The following DPH3 variants were observed in gnomAD, a reference collection of about 807,000 sequenced individuals.
DPH3 encodes the protein diphthamide biosynthesis protein 3.
DPH3 carries 8 observed loss-of-function variants against 10.2 expected under a neutral mutation model. That is an observed-to-expected ratio of 0.79 (90% confidence interval 0.46 to 1.42). DPH3 has a LOEUF of 1.42. Ranked by LOEUF, DPH3 falls within the 40% of genes most tolerant of loss-of-function variation. The pLI, the probability that DPH3 is intolerant of heterozygous loss-of-function variation, is 0.00. For missense variants in DPH3, 96 were observed against 98.9 expected, an observed-to-expected ratio of 0.97 and a Z score of 0.12; for synonymous variants, 35 against 35.6, an observed-to-expected ratio of 0.98 and a Z score of 0.06.
Position 16,262,842 on chromosome 3 carries a change from C to A in DPH3, c.183+1313G>T, listed in dbSNP as rs1434323996. On this transcript the variant is annotated intron_variant, in intron 2 of 2. Coordinates refer to ENST00000488423, the MANE Select transcript of DPH3 (RefSeq NM_206831.3). This position sits in a 1 kb window ranked among gnomAD's most constrained non-coding sequence, Gnocchi z 4.7. ...TTAAGGTCACAAATATTGAAATCATCCTTGTCTCACTCCTTCACACCCTAT... is the reference window on the plus strand; with the variant it reads ...TTAAGGTCACAAATATTGAAATCATACTTGTCTCACTCCTTCACACCCTAT... 6.6e-6 allele frequency among the ~76,000 whole-genome samples: 1 copy of A among 152,156 alleles called. No individual in the cohort carries two copies. The highest frequency in any genetic ancestry group is 1.5e-5 in the Non-Finnish European group (1 of 68,032).
At chr3:16,264,083 C>A in intron 2 of DPH3, 72 bp downstream of exon 2, 1 of 1,112,338 alleles carries the variant, frequency 9.0e-7, no homozygotes. Context: ...GCACTCATCA[C>A]TGACAAGCTG....
Position 16,263,414 on chromosome 3 carries a change from T to C in DPH3, c.183+741A>G, listed in dbSNP as rs2064319879. 6.6e-6 allele frequency among the ~76,000 whole-genome samples: 1 copy of C among 152,236 alleles called. No homozygotes were observed. Among genetic ancestry groups the C allele is most frequent in the African/African-American group, 2.4e-5 (1 of 41,452 alleles). On this transcript the variant is annotated intron_variant, in intron 2 of 2. Transcript: ENST00000488423. The surrounding 1 kb of genome is among the most constrained non-coding windows in gnomAD (Gnocchi z 4.0). ...CAACTTCCTCCCAGACCAGCACTCC[T>C]GATCTTCCTTACCGTTTGCTTTCTG...
Position 16,260,746 on chromosome 3 carries a change from G to A in DPH3, c.*18C>T. Reference sequence around the variant, plus strand: ...GGCTCATTCCAAATGTTCAGGATTTGGATTCCTGAAGGCTTCTTCAGCATT... The same window carrying A: ...GGCTCATTCCAAATGTTCAGGATTTAGATTCCTGAAGGCTTCTTCAGCATT... On this transcript the variant is annotated 3_prime_UTR_variant, in exon 3 of 3. Transcript: ENST00000488423. 1 of 1,607,332 alleles carries A rather than the reference G, an allele frequency of 6.2e-7. No homozygotes were observed. Among genetic ancestry groups the A allele is most frequent in the South Asian group, 1.1e-5 (1 of 90,540 alleles).
rs1488891289 is a variant in DPH3, at chr3:16,262,019, T to C, written c.184-1190A>G. Among the ~76,000 whole-genome samples, 1 of 152,190 alleles carries C rather than the reference T, an allele frequency of 6.6e-6. No homozygotes were observed. On this transcript the variant is annotated intron_variant, in intron 2 of 2. Transcript: ENST00000488423. The surrounding 1 kb of genome is among the most constrained non-coding windows in gnomAD (Gnocchi z 4.7). ...TTCTCTTTACCTAGTTCAAACTCCA[T>C]GGTCAGTTATAACCACTCTTCTCTC... is the stretch of plus-strand genomic sequence containing the variant.
rs183221341 is a variant in DPH3, at chr3:16,264,624, G to C, written c.108+145C>G. 3 of 776,716 alleles carry C rather than the reference G, an allele frequency of 3.9e-6. No homozygotes were observed. In the African/African-American group the frequency reaches 5.2e-5, roughly 14 times the overall value. 48.1% of individuals were successfully genotyped at this position (776,716 alleles called of 1,614,324 possible). On this transcript the variant is annotated intron_variant, in intron 1 of 2. Coordinates refer to ENST00000488423, the MANE Select transcript of DPH3 (RefSeq NM_206831.3). ...AGAGCTCAGGGCATTAGTTGGGGTG[G>C]GGGGACGCGGGAGGAGGAAGATTCA...
Position 16,260,709 on chromosome 3 carries a change from T to C in DPH3, c.*55A>G. 3 of 1,505,384 alleles carry C rather than the reference T, an allele frequency of 2.0e-6. No individual in the cohort carries two copies. The highest frequency in any genetic ancestry group is 2.8e-6 in the Non-Finnish European group (3 of 1,086,324). 93.3% of individuals were successfully genotyped at this position (1,505,384 alleles called of 1,614,324 possible). ...GTGAAGCCAGTAGCTTTGCATTCGA[T>C]ATTTCTATCTGGGCTCATTCCAAAT... On this transcript the variant is annotated 3_prime_UTR_variant, in exon 3 of 3. Transcript: ENST00000488423.
chr3:16,260,707 G>T lies in DPH3; in HGVS notation c.*57C>A. 6.7e-7 allele frequency: 1 copy of T among 1,489,502 alleles called. No individual in the cohort carries two copies. Among genetic ancestry groups the T allele is most frequent in the Non-Finnish European group, 9.3e-7 (1 of 1,073,098 alleles). 92.3% of individuals were successfully genotyped at this position (1,489,502 alleles called of 1,614,324 possible). A position where few individuals can be genotyped will look rare whatever the true frequency, so the allele number is the denominator to read the frequency against. On this transcript the variant is annotated 3_prime_UTR_variant, in exon 3 of 3. Coordinates refer to ENST00000488423, the MANE Select transcript of DPH3 (RefSeq NM_206831.3). The stretch of plus-strand genomic sequence containing the variant: ...CTGTGAAGCCAGTAGCTTTGCATTC[G>T]ATATTTCTATCTGGGCTCATTCCAA...
rs1285722508 is a variant in DPH3, at chr3:16,261,344, TC to T, written c.184-516del. On this transcript the variant is annotated intron_variant, in intron 2 of 2. Coordinates refer to ENST00000488423, the MANE Select transcript of DPH3 (RefSeq NM_206831.3). This position sits in a 1 kb window ranked among gnomAD's most constrained non-coding sequence, Gnocchi z 7.1. Reference sequence around the variant, plus strand: ...GGCTTATGTCAGCTACCACCAAAAATCTCTGCTTCCAAGGTTATCCCTCACC... The same window carrying T: ...GGCTTATGTCAGCTACCACCAAAAATTCTGCTTCCAAGGTTATCCCTCACC... 6.6e-6 allele frequency among the ~76,000 whole-genome samples: 1 copy of T among 152,180 alleles called. No homozygotes were observed.
rs111554149 is a variant in DPH3 at position 16,264,338 on chromosome 3, C to A, written c.109-109G>T. 22 of 820,728 alleles carry A rather than the reference C, an allele frequency of 2.7e-5. 1 individual carries two copies. The South Asian group carries it at 3.4e-4, about 13-fold the overall frequency. 50.8% of individuals were successfully genotyped at this position (820,728 alleles called of 1,614,324 possible). ...AGTCTCTTGGTGGCTTGCCTTCCCC[C>A]CAAGGTGGGTGAGAACCCCAGGGCC... On this transcript the variant is annotated intron_variant, in intron 1 of 2. Coordinates refer to ENST00000488423, the MANE Select transcript of DPH3 (RefSeq NM_206831.3).
In DPH3 at chr3:16,260,336, T is replaced by C. The variant is rs2292615; in HGVS notation, c.*428A>G. 0.029 allele frequency: 4,738 copies of C among 161,518 alleles called. 107 individuals are homozygous for C. Among genetic ancestry groups the C allele is most frequent in the Middle Eastern group, 0.082 (26 of 316 alleles). 10.0% of individuals were successfully genotyped at this position (161,518 alleles called of 1,614,324 possible). ...TAAATTTAGAACAGCAAAGCTGATG[T>C]CATATTTCAAAGGAAGGGCTAATTT... On this transcript the variant is annotated 3_prime_UTR_variant, in exon 3 of 3. Coordinates refer to ENST00000488423, the MANE Select transcript of DPH3 (RefSeq NM_206831.3).
In DPH3 at chr3:16,260,700, T is replaced by G. The variant is rs1351987470; in HGVS notation, c.*64A>C. 16 of 1,439,822 alleles carry G rather than the reference T, an allele frequency of 1.1e-5. No homozygotes were observed. The highest frequency in any genetic ancestry group is 9.7e-7 in the Non-Finnish European group (1 of 1,030,978). 89.2% of individuals were successfully genotyped at this position (1,439,822 alleles called of 1,614,324 possible). A position where few individuals can be genotyped will look rare whatever the true frequency, so the allele number is the denominator to read the frequency against. ...GTTGTCTCTGTGAAGCCAGTAGCTTTGCATTCGATATTTCTATCTGGGCTC... is the reference window on the plus strand; with the variant it reads ...GTTGTCTCTGTGAAGCCAGTAGCTTGGCATTCGATATTTCTATCTGGGCTC... On this transcript the variant is annotated 3_prime_UTR_variant, in exon 3 of 3. Coordinates refer to ENST00000488423, the MANE Select transcript of DPH3 (RefSeq NM_206831.3).
rs371722277 is a variant in DPH3 at position 16,264,888 on chromosome 3, G to C, written c.-12C>G. On this transcript the variant is annotated 5_prime_UTR_variant, in exon 1 of 3. Transcript: ENST00000488423. Reference sequence around the variant, plus strand: ...TGAAACACTGCCATGGTCAGCGGGGGTGGCCGAAGGGGTAACGCCCCAGCA... The same window carrying C: ...TGAAACACTGCCATGGTCAGCGGGGCTGGCCGAAGGGGTAACGCCCCAGCA... The C allele has an allele frequency of 1.9e-5, 30 of 1,613,874 alleles. No individual in the cohort carries two copies. Among genetic ancestry groups the C allele is most frequent in the African/African-American group, 2.7e-5 (2 of 74,944 alleles).
Position 16,264,793 on chromosome 3 carries a change from A to G in DPH3, c.84T>C (p.Cys28=), listed in dbSNP as rs2064374274. The change falls in exon 1 of 3, where the codon TGT becomes TGC. Residue 28 remains cysteine (C), a synonymous_variant. Transcript: ENST00000488423. Reference sequence around the variant, plus strand: ...CCTTGGTGATGGAGAAGTTATCTCCACATGGGCAGGGATAGAAATACGTCT... The same window carrying G: ...CCTTGGTGATGGAGAAGTTATCTCCGCATGGGCAGGGATAGAAATACGTCT... The part of the protein sequence containing the change: ...DSETYFYPCP[C]GDNFSITKED... 6.2e-7 allele frequency: 1 copy of G among 1,614,116 alleles called. No individual in the cohort carries two copies. Among genetic ancestry groups the G allele is most frequent in the African/African-American group, 1.3e-5 (1 of 74,952 alleles).
In DPH3 at chr3:16,261,688, G is replaced by C. The variant is rs764528558; in HGVS notation, c.184-859C>G. ...ATTATCAGGCCTAAAATGTCAACAG[G>C]GCTGAGGTTGAGATGAAGTCATATT... On this transcript the variant is annotated intron_variant, in intron 2 of 2. Transcript: ENST00000488423. This position sits in a 1 kb window ranked among gnomAD's most constrained non-coding sequence, Gnocchi z 7.1. 6.6e-6 allele frequency among the ~76,000 whole-genome samples: 1 copy of C among 152,098 alleles called. No homozygotes were observed. The highest frequency in any genetic ancestry group is 1.5e-5 in the Non-Finnish European group (1 of 68,012).
chr3:16,264,649 A>T, intron 1 of DPH3, 120 bp downstream of exon 1: 1 of 968,638 alleles, frequency 1.0e-6, no homozygotes, highest in South Asian at 1.6e-5. Context: ...AGGAAGATTC[A>T]GCAACGGGAA....
Position 16,264,149 on chromosome 3 carries a change from CCTTA to C in DPH3, c.183+2_183+5del. ...CCTTCCCCCGTTTTAAAATTATATCCCTTACTTTGTCATAAATCACTTTTATAAT... is the reference window on the plus strand; with the variant it reads ...CCTTCCCCCGTTTTAAAATTATATCCCTTTGTCATAAATCACTTTTATAAT... On this transcript the variant is annotated splice_donor_variant and splice_donor_5th_base_variant and intron_variant, in intron 2 of 2. Transcript: ENST00000488423. LOFTEE classifies it high-confidence loss of function. 6.2e-7 allele frequency: 1 copy of C among 1,603,516 alleles called. No homozygotes were observed. Among genetic ancestry groups the C allele is most frequent in the African/African-American group, 1.3e-5 (1 of 74,748 alleles).
chr3:16,257,594 A>G lies in DPH3; in HGVS notation c.*3170T>C, dbSNP rs896576797. Among the ~76,000 whole-genome samples the G allele has an allele frequency of 7.9e-5, 12 of 152,260 alleles. No homozygotes were observed. Among genetic ancestry groups the G allele is most frequent in the Non-Finnish European group, 1.8e-4 (12 of 68,048 alleles). On this transcript the variant is annotated 3_prime_UTR_variant, in exon 3 of 3. Transcript: ENST00000488423. ...TCCAGATTTCACAAACCAGAATATA[A>G]TTATTAAGTAACTTCTCGGAGATCA...
rs766528312 is a variant in DPH3, at chr3:16,260,837, A to G, written c.184-8T>C. The stretch of plus-strand genomic sequence containing the variant: ...TCCACACACAAACTGATCCTAAGAC[A>G]GAGTGAGAAATGACATTAACCAATG... On this transcript the variant is annotated splice_region_variant and splice_polypyrimidine_tract_variant and intron_variant, in intron 2 of 2. Transcript: ENST00000488423. 16 of 1,611,266 alleles carry G rather than the reference A, an allele frequency of 9.9e-6. No individual in the cohort carries two copies. In the Admixed American group the frequency reaches 2.7e-4, roughly 27 times the overall value.
At position 16,263,302 on chromosome 3, in the gene DPH3, CA is replaced by C. The variant is rs1216028387; in HGVS notation, c.183+852del. Reference sequence around the variant, plus strand: ...CTCTTACCTCATACCCTCATATGTACATGGCTCACTCCCTCACCTCCTTCAA... The same window carrying C: ...CTCTTACCTCATACCCTCATATGTACTGGCTCACTCCCTCACCTCCTTCAA... On this transcript the variant is annotated intron_variant, in intron 2 of 2. Coordinates refer to ENST00000488423, the MANE Select transcript of DPH3 (RefSeq NM_206831.3). The surrounding 1 kb of genome is among the most constrained non-coding windows in gnomAD (Gnocchi z 4.0). 6.6e-6 allele frequency among the ~76,000 whole-genome samples: 1 copy of C among 152,170 alleles called. No homozygotes were observed. The highest frequency in any genetic ancestry group is 2.4e-5 in the African/African-American group (1 of 41,414).
Sources: allele counts gnomAD v4.1 joint callset (sites outside exome capture counted in the v4.1 genomes callset), GRCh38; gene constraint gnomAD v4.1.1; non-coding constraint Gnocchi (gnomAD v3.1); transcripts MANE v1.5; gene names NCBI Gene and HGNC (gene_info 2026-07-23, HGNC 2026-07-21).